Variants in RHOBTB1 observed in about 807,000 individuals in gnomAD.
The protein encoded by RHOBTB1 is rho-related BTB domain-containing protein 1.
RHOBTB1 carries 40 observed loss-of-function variants against 71.6 expected under a neutral mutation model. That is an observed-to-expected ratio of 0.56 (90% CI 0.43 to 0.73). The LOEUF is 0.73. RHOBTB1 is among the 30% of genes least tolerant of loss of function. The probability of loss-of-function intolerance (pLI) is 0.00; values close to 1 mark genes in which losing one functional copy is unlikely to be tolerated. For synonymous variants in RHOBTB1, 319 were observed against 334.9 expected, an observed-to-expected ratio of 0.95 and a Z score of 0.52; for missense variants, 797 against 894.0, an observed-to-expected ratio of 0.89 and a Z score of 1.38.
chr10:60,890,222 T>C (rs2081848444), intron 5 of RHOBTB1, among the ~76,000 whole-genome samples: 1 of 152,054 alleles, frequency 6.6e-6, no homozygotes, highest in Admixed American at 6.6e-5. Flanking sequence ...TGCCTTCTTT[T>C]TTCCTCCAAT....
intron 4 of RHOBTB1, among the ~76,000 whole-genome samples, chr10:60,901,815 T>C (rs1288473092): frequency 6.6e-6 from 1 of 152,278 alleles, no homozygotes; most frequent in East Asian, 1.9e-4. Flanking sequence ...ATTAATGTAC[T>C]GAACAATGCA....
intron 2 of RHOBTB1, among the ~76,000 whole-genome samples, chr10:60,926,076 A>C (rs1417587317): frequency 1.3e-5 from 2 of 152,112 alleles, no homozygotes; most frequent in Non-Finnish European, 2.9e-5. Context: ...GTCTCTACTA[A>C]AAATACAAAT....
At chr10:60,883,545 A>G (rs1210361637) in intron 7 of RHOBTB1, among the ~76,000 whole-genome samples, 1 of 152,212 alleles carries the variant, frequency 6.6e-6, no homozygotes, top group African/African-American at 2.4e-5. Flanking sequence ...CACAATCAGC[A>G]TGCACTTCAG....
rs373904843 is a variant in RHOBTB1, at chr10:60,872,283, T to C, written c.1823A>G (p.Asn608Ser). The C allele has an allele frequency of 1.1e-5, 18 of 1,613,336 alleles. No individual in the cohort carries two copies. Among genetic ancestry groups the C allele is most frequent in the Non-Finnish European group, 1.4e-5 (17 of 1,179,398 alleles). ...LSYLELAQFH[N>S]AHQLAAWCLH... is the part of the protein sequence containing the mutation. ...ACACCAGGCGGCCAACTGGTGGGCA[T>C]TGTGAAACTGCAGAAAAGTGAGCAA... The change falls in exon 10 of 11, where the codon AAT becomes AGT. Residue 608 changes from asparagine (N) to serine (S), a missense_variant. Around this residue, in one of 2 missense-constraint regions of RHOBTB1, gnomAD observed 658 missense variants for 681.5 expected, o/e 0.97. Coordinates refer to ENST00000337910, the MANE Select transcript of RHOBTB1 (RefSeq NM_014836.5).
downstream of RHOBTB1, among the ~76,000 whole-genome samples, chr10:60,866,798 T>A (rs1046956969): frequency 2.6e-5 from 4 of 151,018 alleles, no homozygotes; most frequent in Non-Finnish European, 5.9e-5. Context: ...TAATAATAAT[T>A]ATTATTTACT....
chr10:60,898,308 C>A (rs996090306), intron 4 of RHOBTB1, among the ~76,000 whole-genome samples: 1 of 152,082 alleles, frequency 6.6e-6, no homozygotes, highest in Non-Finnish European at 1.5e-5. Context: ...GAGGTAGGTT[C>A]TTTACAGAAA....
At chr10:60,880,202 T>TGAGAGAGAGAGAGAGAGAGAGAGAGA (rs71018931) in intron 7 of RHOBTB1, among the ~76,000 whole-genome samples, 3 of 126,932 alleles carry the variant, frequency 2.4e-5, no homozygotes, top group Non-Finnish European at 3.3e-5. Flanking sequence ...TGTGTGTGTG[T>TGAGAGAGAGAGAGAGAGAGAGAGAGA]GAGAGAGAGA....
chr10:60,928,364 T>C (rs2084016843), intron 2 of RHOBTB1, among the ~76,000 whole-genome samples: 1 of 152,082 alleles, frequency 6.6e-6, no homozygotes, highest in Non-Finnish European at 1.5e-5. Flanking sequence ...ATCAAAGCGA[T>C]ATCTGCATTC....
intron 2 of RHOBTB1, among the ~76,000 whole-genome samples, chr10:60,966,675 C>CT (rs536434101): frequency 2.0e-5 from 3 of 148,014 alleles, no homozygotes; most frequent in African/African-American, 5.0e-5. Context: ...TTTTTTGGTT[C>CT]TTTTTTTTTA....
intron 7 of RHOBTB1, 112 bp from the exon 8 acceptor site, chr10:60,878,170 G>A: frequency 1.3e-6 from 1 of 778,892 alleles, no homozygotes; most frequent in Non-Finnish European, 2.1e-6. Context: ...GTGAGTGTTG[G>A]ACACCTGCTT....
chr10:60,974,660 A>G (rs2086260955), intron 2 of RHOBTB1, among the ~76,000 whole-genome samples: 1 of 151,952 alleles, frequency 6.6e-6, no homozygotes, highest in Non-Finnish European at 1.5e-5. Flanking sequence ...AAGAAATCTC[A>G]TCTGTTTCTC....
At chr10:60,947,422 CAT>C (rs1395388434), upstream of RHOBTB1, among the ~76,000 whole-genome samples, 1 of 152,186 alleles carries the variant, frequency 6.6e-6, no homozygotes, top group Admixed American at 6.5e-5. Context: ...ACAAGCTAGA[CAT>C]AGAATTGTTC....
intron 7 of RHOBTB1, among the ~76,000 whole-genome samples, chr10:60,879,024 T>C (rs10821848): frequency 0.34 from 50,968 of 152,102 alleles, 9,139 homozygotes; most frequent in African/African-American, 0.47. Flanking sequence ...TTTCCACACA[T>C]ATTCTTTAAT....
At chr10:60,935,240 G>A (rs567614952) in intron 2 of RHOBTB1, among the ~76,000 whole-genome samples, 2 of 152,220 alleles carry the variant, frequency 1.3e-5, no homozygotes, top group East Asian at 3.8e-4. Context: ...AGAATACATA[G>A]GATATGATTT....
At chr10:60,883,955 G>A (rs759783594) in intron 7 of RHOBTB1, among the ~76,000 whole-genome samples, 4 of 152,178 alleles carry the variant, frequency 2.6e-5, no homozygotes, top group Non-Finnish European at 5.9e-5. Context: ...CAGTAATGAT[G>A]CTCCAAAACA....
intron 4 of RHOBTB1, among the ~76,000 whole-genome samples, chr10:60,901,111 A>G (rs2133088777): frequency 6.6e-6 from 1 of 152,348 alleles, no homozygotes; most frequent in South Asian, 2.1e-4. Context: ...TAAAAAACAC[A>G]CAAAACAAAC....
chr10:60,943,887 C>T (rs921488911), intron 1 of RHOBTB1, 84 bp downstream of exon 1: 1 of 152,254 alleles, frequency 6.6e-6, no homozygotes, highest in African/African-American at 2.4e-5. Context: ...CACTTGCCAC[C>T]CGCTGGGGCC....
At chr10:60,937,826 T>C (rs1379427632) in intron 2 of RHOBTB1, among the ~76,000 whole-genome samples, 2 of 152,192 alleles carry the variant, frequency 1.3e-5, no homozygotes, top group Non-Finnish European at 2.9e-5. Context: ...CTGCCTAATA[T>C]GTTAAAAGAC....
chr10:60,894,850 A>T (rs557485063), intron 4 of RHOBTB1, among the ~76,000 whole-genome samples: 1 of 152,350 alleles, frequency 6.6e-6, no homozygotes, highest in East Asian at 1.9e-4. Context: ...TCTAAGGGGA[A>T]TCATTCTCAG....
Sources: gnomAD v4.1 joint callset for allele counts (sites outside exome capture counted in the v4.1 genomes callset) on GRCh38, gnomAD v4.1.1 for gene constraint, gnomAD v4.1.1 regional missense constraint, MANE v1.5 for transcripts, NCBI Gene and HGNC (gene_info 2026-07-23, HGNC 2026-07-21) for gene names.